TBC1D8: variants seen among roughly 807,000 people sequenced by gnomAD.
TBC1D8 encodes the protein TBC1 domain family member 8.
Under a neutral mutation model 118.8 loss-of-function variants are expected in TBC1D8, and 65 were observed. That is an observed-to-expected ratio of 0.55 (90% CI 0.45 to 0.67). The LOEUF (loss-of-function observed/expected upper bound fraction) is 0.67. Among genes scored for constraint, TBC1D8 ranks in the 30% least tolerant of loss-of-function variants. TBC1D8 has a pLI of 0.00. For synonymous variants in TBC1D8, 566 were observed against 595.8 expected (o/e 0.95, Z 0.73); for missense variants, 1,376 against 1,471.2 (o/e 0.94, Z 1.06).
At chr2:101,024,354 T>C (rs1335251127) in intron 15 of TBC1D8, among the ~76,000 whole-genome samples, 1 of 151,270 alleles carries the variant, frequency 6.6e-6, no homozygotes, top group Non-Finnish European at 1.5e-5. Context: ...TGGGTGGGTG[T>C]GGAGTGTGGG....
chr2:101,037,470 G>A, intron 8 of TBC1D8, 62 bp downstream of exon 8: 2 of 1,571,964 alleles, frequency 1.3e-6, no homozygotes, highest in Middle Eastern at 2.4e-4. Flanking sequence ...AGACAGCTGG[G>A]CAACCCCCCC....
At chr2:101,140,337 T>C (rs1279765291) in intron 1 of TBC1D8, among the ~76,000 whole-genome samples, 1 of 152,196 alleles carries the variant, frequency 6.6e-6, no homozygotes, top group African/African-American at 2.4e-5. Flanking sequence ...AAAACATTTC[T>C]GAAAACAGTT....
At chr2:101,145,905 G>C (rs1679299301) in intron 1 of TBC1D8, among the ~76,000 whole-genome samples, 1 of 152,196 alleles carries the variant, frequency 6.6e-6, no homozygotes, top group Non-Finnish European at 1.5e-5. Context: ...TAATAGATAA[G>C]TGAATGTTTC....
chr2:101,126,199 T>C lies in TBC1D8; in HGVS notation c.127+24928A>G, dbSNP rs1044507398. Among the ~76,000 whole-genome samples, 66 of 152,120 alleles carry C rather than the reference T, an allele frequency of 4.3e-4. 4 individuals are homozygous for C. The highest frequency in any genetic ancestry group is 1.5e-5 in the Non-Finnish European group (1 of 68,030). On this transcript the variant is annotated intron_variant, in intron 1 of 19. Coordinates refer to ENST00000409318, the MANE Select transcript of TBC1D8 (RefSeq NM_001330348.2). ...AGAGAGAGAGGAGATGGTGCCAGGC[T>C]CTTTTCAACAACCAGTTCTTGCAAG... is the stretch of plus-strand genomic sequence containing the variant.
rs181442930 is a variant in TBC1D8 at position 101,043,083 on chromosome 2, A to G, written c.873-2698T>C. 2.6e-5 allele frequency among the ~76,000 whole-genome samples: 4 copies of G among 152,366 alleles called. No homozygotes were observed. The East Asian group carries it at 5.8e-4, about 22-fold the overall frequency. On this transcript the variant is annotated intron_variant, in intron 5 of 19. Coordinates refer to ENST00000409318, the MANE Select transcript of TBC1D8 (RefSeq NM_001330348.2). ...TCCAGCCCTCAAAAGGAGAAAACAC[A>G]GAGAAAGTCCTCTGGACACATACAG... is the stretch of plus-strand genomic sequence containing the variant.
intron 2 of TBC1D8, among the ~76,000 whole-genome samples, chr2:101,085,226 A>G (rs1574004628): frequency 6.6e-6 from 1 of 152,230 alleles, no homozygotes; most frequent in East Asian, 1.9e-4. Flanking sequence ...TAAGTATCCA[A>G]TAAAGGATTG....
intron 10 of TBC1D8, 109 bp from the exon 11 acceptor site, chr2:101,032,494 A>G (rs1680730854): frequency 1.1e-6 from 1 of 873,574 alleles, no homozygotes; most frequent in South Asian, 1.6e-5. Flanking sequence ...TTCATAGGTG[A>G]GAGATCCAGC....
intron 1 of TBC1D8, among the ~76,000 whole-genome samples, chr2:101,104,658 T>A (rs762260523): frequency 1.3e-4 from 20 of 152,190 alleles, no homozygotes; most frequent in Admixed American, 6.5e-4. Flanking sequence ...AGACCTTACA[T>A]CTTTCACAAA....
intron 15 of TBC1D8, among the ~76,000 whole-genome samples, chr2:101,023,329 A>AT (rs1680154014): frequency 6.6e-6 from 1 of 151,834 alleles, no homozygotes; most frequent in South Asian, 2.1e-4. Context: ...TATTTTTAGT[A>AT]GAGATGGGGT....
chr2:101,117,543 T>C (rs1397653571), intron 1 of TBC1D8, among the ~76,000 whole-genome samples: 1 of 151,426 alleles, frequency 6.6e-6, no homozygotes, highest in Non-Finnish European at 1.5e-5. Context: ...GTTCAAGGCC[T>C]ATGACAGTTG....
chr2:101,131,748 G>A (rs1255375866), intron 1 of TBC1D8, among the ~76,000 whole-genome samples: 1 of 152,044 alleles, frequency 6.6e-6, no homozygotes, highest in African/African-American at 2.4e-5. Context: ...CCAGGAGGAG[G>A]AGCTTGCGGC....
intron 17 of TBC1D8, chr2:101,018,176 AATT>A (rs1317519230): frequency 7.7e-6 from 3 of 390,062 alleles, no homozygotes; most frequent in African/African-American, 6.0e-5. Context: ...ACTAATCTAT[AATT>A]ATGTTTTAGA....
At chr2:101,134,195 T>TCACACACA (rs1429845189) in intron 1 of TBC1D8, among the ~76,000 whole-genome samples, 2 of 62,754 alleles carry the variant, frequency 3.2e-5, no homozygotes, top group Non-Finnish European at 7.7e-5. Context: ...TCTCTCTCTC[T>TCACACACA]CTCACACACA....
chr2:101,059,294 T>C (rs1344445946), intron 3 of TBC1D8, 127 bp downstream of exon 3: 1 of 634,276 alleles, frequency 1.6e-6, no homozygotes, highest in Non-Finnish European at 2.8e-6. Flanking sequence ...ATGAAACTTA[T>C]TTGGCATTAC....
In TBC1D8 at chr2:101,027,448, G is replaced by A; in HGVS notation, c.2455C>T (p.Arg819Ter). 3 of 1,612,788 alleles carry A rather than the reference G, an allele frequency of 1.9e-6. No homozygotes were observed. Among genetic ancestry groups the A allele is most frequent in the Non-Finnish European group, 8.5e-7 (1 of 1,179,066 alleles). The change falls in exon 15 of 20, where the codon CGA (arginine) becomes TGA (stop). Residue 819 changes from arginine (R) to a stop codon, truncating the protein, a stop_gained. Transcript: ENST00000409318. LOFTEE classifies it high-confidence loss of function. ...ATTGAGACTTCCGGGATAACGACTC[G>A]AAGCTTGAGGAAAGAATAAACAGCA... is the stretch of plus-strand genomic sequence containing the variant. ...HEDTTKQNVL[R>*]VVIPEVSILP...
intron 1 of TBC1D8, among the ~76,000 whole-genome samples, chr2:101,134,193 TCTCTCACACACACA>T (rs765491620): frequency 0.19 from 22,835 of 122,242 alleles, 1,971 homozygotes; most frequent in East Asian, 0.3. Context: ...TCTCTCTCTC[TCTCTCACACACACA>T]CACACACACA....
chr2:101,008,038 T>C lies in TBC1D8; in HGVS notation c.3251A>G (p.Asp1084Gly). ...TGCCGCCTCTGGAAATGCCTGGGAG[T>C]CCTGGGGCGTCTTCCCAGTGTCTGC... ...VFADTGKTPQDSQAFPEAAER... is the reference protein window; with the variant it reads ...VFADTGKTPQGSQAFPEAAER... The change falls in exon 20 of 20, where the codon GAC (aspartate) becomes GGC (glycine). Residue 1084 changes from aspartate (D) to glycine (G), a missense_variant. By Grantham distance (94) the Asp-to-Gly change is moderately conservative (BLOSUM62 -1). Coordinates refer to ENST00000409318, the MANE Select transcript of TBC1D8 (RefSeq NM_001330348.2). 6.2e-7 allele frequency: 1 copy of C among 1,613,712 alleles called. No individual in the cohort carries two copies. The highest frequency in any genetic ancestry group is 8.5e-7 in the Non-Finnish European group (1 of 1,179,842).
intron 2 of TBC1D8, among the ~76,000 whole-genome samples, chr2:101,076,382 T>C (rs528293846): frequency 6.6e-6 from 1 of 152,340 alleles, no homozygotes; most frequent in Non-Finnish European, 1.5e-5. Context: ...TGAACTAATC[T>C]TAGCATCAAT....
intron 11 of TBC1D8, 81 bp from the exon 12 acceptor site, chr2:101,029,857 G>T: frequency 7.0e-7 from 1 of 1,435,818 alleles, no homozygotes; most frequent in Admixed American, 2.1e-5. Flanking sequence ...TCACTCTGAG[G>T]TAACCAGAAC....
Sources: allele counts gnomAD v4.1 joint callset (sites outside exome capture counted in the v4.1 genomes callset), GRCh38; gene constraint gnomAD v4.1.1; transcripts MANE v1.5; gene names NCBI Gene and HGNC (gene_info 2026-07-23, HGNC 2026-07-21).